Variants in RBFOX1 observed in about 807,000 individuals in gnomAD.
RBFOX1 encodes the protein RNA binding fox-1 homolog 1.
RBFOX1 carries 8 observed loss-of-function variants against 57.7 expected under a neutral mutation model. The observed-to-expected ratio is 0.14, with a 90% CI of 0.08 to 0.25. The LOEUF (loss-of-function observed/expected upper bound fraction) is 0.25. RBFOX1 is among the 10% of genes least tolerant of loss of function. The probability of loss-of-function intolerance (pLI) is 1.00; values close to 1 mark genes in which losing one functional copy is unlikely to be tolerated. For synonymous variants in RBFOX1, 326 were observed against 222.4 expected (o/e 1.47, Z -4.15); for missense variants, 611 against 548.5 (o/e 1.11, Z -1.14).
intron 3 of RBFOX1, among the ~76,000 whole-genome samples, chr16:5,758,552 A>G (rs1276584654): frequency 1.3e-5 from 2 of 152,178 alleles, no homozygotes; most frequent in Non-Finnish European, 2.9e-5. Context: ...CTTTGTTTTC[A>G]CATTGTTTTA....
intron 3 of RBFOX1, among the ~76,000 whole-genome samples, chr16:6,758,321 G>A (rs374383426): frequency 5.0e-4 from 76 of 152,068 alleles, no homozygotes; most frequent in African/African-American, 1.8e-3. Flanking sequence ...TTTCCCCCAA[G>A]CATATGTAAA....
intron 2 of RBFOX1, among the ~76,000 whole-genome samples, chr16:6,526,455 T>G (rs2096579050): frequency 6.6e-6 from 1 of 152,122 alleles, no homozygotes. Flanking sequence ...TAGAAGGCGG[T>G]CATTCATGCT....
intron 2 of RBFOX1, among the ~76,000 whole-genome samples, chr16:5,573,471 G>A (rs1173104593): frequency 6.6e-6 from 1 of 152,212 alleles, no homozygotes. Flanking sequence ...GGCAGAGCCT[G>A]AGACATTGTA....
intron 1 of RBFOX1, among the ~76,000 whole-genome samples, chr16:6,309,500 C>T (rs964947570): frequency 2.6e-5 from 4 of 152,138 alleles, no homozygotes; most frequent in Admixed American, 6.5e-5. Flanking sequence ...GACAGGGAAG[C>T]GGAGCTGGTG....
chr16:5,661,665 G>C lies in RBFOX1; in HGVS notation c.318+62704G>C, dbSNP rs940101140. Among the ~76,000 whole-genome samples the C allele has an allele frequency of 1.3e-5, 2 of 152,224 alleles. 1 individual carries two copies. The highest frequency in any genetic ancestry group is 4.8e-5 in the African/African-American group (2 of 41,468). ...ATTAACACGTTGGTCCTCACCCGTA[G>C]TTAGTTACTATTGTGTATGGTGAAG... On this transcript the variant is annotated intron_variant, in intron 3 of 19. Coordinates refer to the RBFOX1 transcript ENST00000641259.
At chr16:6,042,174 G>T (rs1480325196) in intron 1 of RBFOX1, among the ~76,000 whole-genome samples, 1 of 150,592 alleles carries the variant, frequency 6.6e-6, no homozygotes, top group Non-Finnish European at 1.5e-5. Context: ...CATCTCGGCT[G>T]ACTGCAACTT....
chr16:5,974,677 A>T (rs144718863), intron 4 of RBFOX1, among the ~76,000 whole-genome samples: 1 of 152,094 alleles, frequency 6.6e-6, no homozygotes, highest in Non-Finnish European at 1.5e-5. Context: ...GGATTTCATT[A>T]GTTGTAATTA....
intron 4 of RBFOX1, among the ~76,000 whole-genome samples, chr16:7,064,300 C>A (rs2055378161): frequency 6.6e-6 from 1 of 151,454 alleles, no homozygotes; most frequent in African/African-American, 2.4e-5. Flanking sequence ...TCCTGAGTAG[C>A]TGGGCCTACA....
intron 4 of RBFOX1, among the ~76,000 whole-genome samples, chr16:7,135,249 C>A (rs977687285): frequency 2.6e-5 from 4 of 152,098 alleles, no homozygotes; most frequent in African/African-American, 9.7e-5. Context: ...TTTGTTGTTG[C>A]TGTTGGATTA....
At chr16:5,264,644 C>G (rs1311103683) in intron 1 of RBFOX1, among the ~76,000 whole-genome samples, 1 of 152,022 alleles carries the variant, frequency 6.6e-6, no homozygotes, top group African/African-American at 2.4e-5. Flanking sequence ...TGTCATGTAT[C>G]CAATTCTCCT....
At chr16:6,307,618 A>C (rs1028702814) in intron 1 of RBFOX1, among the ~76,000 whole-genome samples, 1 of 148,142 alleles carries the variant, frequency 6.8e-6, no homozygotes, top group Non-Finnish European at 1.5e-5. Context: ...AATGAGTTTT[A>C]ATTATATATT....
chr16:5,695,369 A>G (rs1331796134), intron 3 of RBFOX1, among the ~76,000 whole-genome samples: 2 of 152,212 alleles, frequency 1.3e-5, no homozygotes, highest in Non-Finnish European at 2.9e-5. Context: ...AGCCACAGCA[A>G]TAAGAGCAAG....
chr16:7,075,016 G>A (rs1409944855), intron 4 of RBFOX1, among the ~76,000 whole-genome samples: 10 of 152,024 alleles, frequency 6.6e-5, no homozygotes, highest in Non-Finnish European at 1.5e-5. Flanking sequence ...TAAAGAAAAA[G>A]AGAAAAAAGG....
At chr16:6,845,294 A>G (rs1410870127) in intron 3 of RBFOX1, among the ~76,000 whole-genome samples, 1 of 147,934 alleles carries the variant, frequency 6.8e-6, no homozygotes, top group African/African-American at 2.5e-5. Context: ...TTTTTTTTCT[A>G]GTGTTTTTAG....
chr16:6,938,979 A>T (rs2077849733), intron 3 of RBFOX1, among the ~76,000 whole-genome samples: 1 of 152,102 alleles, frequency 6.6e-6, no homozygotes, highest in African/African-American at 2.4e-5. Context: ...TTTGCCCAGG[A>T]ATGCACTGTA....
chr16:6,345,474 T>C (rs1399804112), intron 2 of RBFOX1, among the ~76,000 whole-genome samples: 1 of 152,286 alleles, frequency 6.6e-6, no homozygotes, highest in Middle Eastern at 3.4e-3. Context: ...GGTGTGCATG[T>C]CTAATGGAAA....
intron 4 of RBFOX1, among the ~76,000 whole-genome samples, chr16:7,505,507 C>T (rs1230851256): frequency 1.3e-5 from 2 of 152,324 alleles, no homozygotes; most frequent in East Asian, 1.9e-4. Flanking sequence ...ATTATCACCT[C>T]AGAAGTGGCC....
chr16:5,278,971 C>G (rs763565490), intron 1 of RBFOX1, among the ~76,000 whole-genome samples: 17 of 152,158 alleles, frequency 1.1e-4, no homozygotes, highest in Non-Finnish European at 1.6e-4. Flanking sequence ...TACCAATACA[C>G]ACTGTTTTGG....
chr16:5,335,268 T>G (rs897282230), intron 1 of RBFOX1, among the ~76,000 whole-genome samples: 5 of 152,344 alleles, frequency 3.3e-5, no homozygotes, highest in African/African-American at 1.2e-4. Context: ...AGCCTTTTGG[T>G]TCATTCATTG....
Sources: allele counts gnomAD v4.1 joint callset (sites outside exome capture counted in the v4.1 genomes callset), GRCh38; gene constraint gnomAD v4.1.1; transcripts MANE v1.5; gene names NCBI Gene and HGNC (gene_info 2026-07-23, HGNC 2026-07-21).